IDE: variants seen among roughly 807,000 people sequenced by gnomAD.
The protein encoded by IDE is insulin degrading enzyme.
In IDE, 58 loss-of-function variants were observed where a neutral mutation model predicts 133.2. That is an observed-to-expected ratio of 0.44 (90% CI 0.35 to 0.54). IDE has a LOEUF of 0.54. Ranked by LOEUF, IDE falls within the 20% of genes least tolerant of loss-of-function variation. The pLI, the probability that IDE is intolerant of heterozygous loss-of-function variation, is 0.00. For synonymous variants in IDE, 396 were observed against 421.3 expected, an observed-to-expected ratio of 0.94 and a Z score of 0.73; for missense variants, 981 against 1,234.0, an observed-to-expected ratio of 0.79 and a Z score of 3.07.
chr10:92,461,219 G>T lies in IDE; in HGVS notation c.2795C>A (p.Thr932Asn), dbSNP rs1289418405. The change falls in exon 22 of 25, where the codon ACC (threonine) becomes AAC (asparagine). Residue 932 changes from threonine to asparagine, a missense_variant. Coordinates refer to ENST00000265986, the MANE Select transcript of IDE (RefSeq NM_004969.4). ...GTAGAATTTGATGATATCTTCCTTGGTAAGTGTCTTTAAATATGCAACCTC... is the reference window on the plus strand; with the variant it reads ...GTAGAATTTGATGATATCTTCCTTGTTAAGTGTCTTTAAATATGCAACCTC... ...NTEVAYLKTL[T>N]KEDIIKFYKE... is the part of the protein sequence containing the mutation. 4 of 1,456,020 alleles carry T rather than the reference G, an allele frequency of 2.7e-6. No homozygotes were observed. Among genetic ancestry groups the T allele is most frequent in the African/African-American group, 1.4e-5 (1 of 72,076 alleles). The allele number at this position is 1,456,020 out of a possible 1,614,324, so 90.2% of individuals were successfully genotyped here.
In IDE at chr10:92,510,142, T is replaced by C. The variant is rs1270988529; in HGVS notation, c.805A>G (p.Asn269Asp). The change falls in exon 6 of 25, where the codon AAT becomes GAT. Residue 269 changes from asparagine to aspartate, a missense_variant. Around this residue, in one of 2 missense-constraint regions of IDE, gnomAD observed 321 missense variants for 339.3 expected, o/e 0.95. Transcript: ENST00000265986. Reference protein sequence around the residue: ...LGRESLDDLTNLVVKLFSEVE... With the variant: ...LGRESLDDLTDLVVKLFSEVE... The stretch of plus-strand genomic sequence containing the variant: ...TCAGAAAATAACTTTACCACCAGAT[T>C]AGTCAAGTCATCTAAAGATTCTACA... 2 of 1,577,086 alleles carry C rather than the reference T, an allele frequency of 1.3e-6. No individual in the cohort carries two copies. Among genetic ancestry groups the C allele is most frequent in the Non-Finnish European group, 1.7e-6 (2 of 1,150,080 alleles).
At chr10:92,472,803 T>C (rs1052087605) in intron 17 of IDE, among the ~76,000 whole-genome samples, 13 of 151,422 alleles carry the variant, frequency 8.6e-5, no homozygotes, top group African/African-American at 3.2e-4. Context: ...CATGCCCAGC[T>C]AATTTTTGTA....
intron 11 of IDE, among the ~76,000 whole-genome samples, chr10:92,501,553 A>G (rs1848016334): frequency 6.7e-6 from 1 of 149,780 alleles, no homozygotes; most frequent in Non-Finnish European, 1.5e-5. Flanking sequence ...GCCTGTGGTT[A>G]CAGCTACTGG....
intron 4 of IDE, among the ~76,000 whole-genome samples, chr10:92,515,684 C>T (rs1418497168): frequency 6.7e-6 from 1 of 150,296 alleles, no homozygotes; most frequent in Non-Finnish European, 1.5e-5. Context: ...GCCTCTGCCT[C>T]TCTAGTAGCT....
chr10:92,558,935 A>G (rs1843141971), intron 1 of IDE: 1 of 152,030 alleles, frequency 6.6e-6, no homozygotes, highest in Admixed American at 6.6e-5. Context: ...TTAATAAAAA[A>G]AAAAAAAAAC....
intron 11 of IDE, among the ~76,000 whole-genome samples, chr10:92,503,203 C>T (rs528892578): frequency 3.3e-5 from 5 of 152,158 alleles, no homozygotes; most frequent in African/African-American, 9.6e-5. Flanking sequence ...GGGGCTAAGC[C>T]GGACTGCTTG....
chr10:92,475,958 A>G lies in IDE; in HGVS notation c.1921T>C (p.Leu641=). 6.5e-7 allele frequency: 1 copy of G among 1,546,086 alleles called. No individual in the cohort carries two copies. Among genetic ancestry groups the G allele is most frequent in the South Asian group, 1.2e-5 (1 of 83,288 alleles). The part of the protein sequence containing the change: ...VKGYNDKQPI[L]LKKIIEKMAT... The stretch of plus-strand genomic sequence containing the variant: ...ATTTTCTCAATAATCTTCTTTAGTA[A>G]AATTGGCTGCTTGTCATTGTAACCT... Residue 641 remains leucine, a synonymous_variant, in exon 16 of 25, where the codon TTA becomes CTA. Coordinates refer to ENST00000265986, the MANE Select transcript of IDE (RefSeq NM_004969.4).
At chr10:92,477,008 T>C (rs938186100) in intron 15 of IDE, among the ~76,000 whole-genome samples, 7 of 152,126 alleles carry the variant, frequency 4.6e-5, no homozygotes, top group Admixed American at 3.3e-4. Context: ...AGTGCTGGGA[T>C]TACAGGCATG....
At chr10:92,508,918 C>CTATA (rs748438208) in intron 6 of IDE, 28 bp from the exon 7 acceptor site, 3 of 1,537,120 alleles carry the variant, frequency 2.0e-6, no homozygotes, top group Non-Finnish European at 2.7e-6. Flanking sequence ...CAGAGATTAG[C>CTATA]TATATACGAC....
At chr10:92,472,172 GAACT>G (rs1418377884) in intron 17 of IDE, among the ~76,000 whole-genome samples, 1 of 152,088 alleles carries the variant, frequency 6.6e-6, no homozygotes, top group African/African-American at 2.4e-5. Context: ...AATAAAAAAA[GAACT>G]GACTATTCTC....
intron 4 of IDE, among the ~76,000 whole-genome samples, chr10:92,525,826 C>T (rs905567330): frequency 6.9e-6 from 1 of 145,714 alleles, no homozygotes; most frequent in African/African-American, 2.5e-5. Flanking sequence ...AAACACACAA[C>T]AAAAAAGCCC....
intron 6 of IDE, among the ~76,000 whole-genome samples, 196 bp downstream of exon 6, chr10:92,509,854 G>A (rs1334179103): frequency 1.3e-5 from 2 of 149,274 alleles, no homozygotes; most frequent in Admixed American, 6.7e-5. Context: ...CAGGGAAGTT[G>A]AGGCTTCAGT....
intron 11 of IDE, among the ~76,000 whole-genome samples, chr10:92,498,080 A>G (rs559263468): frequency 6.6e-6 from 1 of 152,362 alleles, no homozygotes; most frequent in Admixed American, 6.5e-5. Flanking sequence ...ATCATTTTAC[A>G]TCATACAGAT....
intron 1 of IDE, among the ~76,000 whole-genome samples, chr10:92,559,528 T>C (rs1055415321): frequency 3.3e-5 from 5 of 152,112 alleles, no homozygotes; most frequent in African/African-American, 4.8e-5. Flanking sequence ...AAAGACCACA[T>C]ATTGTTTGAT....
At chr10:92,457,958 T>C (rs1281948374) in intron 22 of IDE, among the ~76,000 whole-genome samples, 1 of 152,164 alleles carries the variant, frequency 6.6e-6, no homozygotes, top group Non-Finnish European at 1.5e-5. Flanking sequence ...GTACCTCATC[T>C]AAGAACTTCA....
At position 92,535,473 on chromosome 10, in the gene IDE, G is replaced by A. The variant is rs184453685; in HGVS notation, c.284-688C>T. Among the ~76,000 whole-genome samples the A allele has an allele frequency of 1.1e-3, 135 of 122,834 alleles. 1 individual carries two copies. The highest frequency in any genetic ancestry group is 4.2e-3 in the African/African-American group (134 of 31,754). 80.6% of individuals were successfully genotyped at this position (122,834 alleles called of 152,430 possible). ...AGCACAGTGTTAACAGCATGCGTTT[G>A]GGGGTTACCACTCTACTGGCTGTGA... is the stretch of plus-strand genomic sequence containing the variant. On this transcript the variant is annotated intron_variant, in intron 2 of 24. Transcript: ENST00000265986.
In IDE at chr10:92,574,006, A is replaced by G. The variant is rs543210281; in HGVS notation, c.14T>C (p.Leu5Pro). ...CAGTGCGGGGTGCAGAAGCCACGCTAGCCGGTACCGCATTAGCCAGCGCAG... is the reference window on the plus strand; with the variant it reads ...CAGTGCGGGGTGCAGAAGCCACGCTGGCCGGTACCGCATTAGCCAGCGCAG... MRYR[L>P]AWLLHPALPS... The change falls in exon 1 of 25, where the codon CTA becomes CCA. Residue 5 changes from leucine (L) to proline (P), a missense_variant. Coordinates refer to ENST00000265986, the MANE Select transcript of IDE (RefSeq NM_004969.4). The G allele has an allele frequency of 4.1e-5, 62 of 1,512,820 alleles. 1 individual carries two copies. In the Middle Eastern group the frequency reaches 5.3e-4, roughly 13 times the overall value. 93.7% of individuals were successfully genotyped at this position (1,512,820 alleles called of 1,614,324 possible). A position where few individuals can be genotyped will look rare whatever the true frequency, so the allele number is the denominator to read the frequency against.
intron 1 of IDE, among the ~76,000 whole-genome samples, chr10:92,555,595 A>T (rs1842969412): frequency 6.6e-6 from 1 of 152,192 alleles, no homozygotes; most frequent in Admixed American, 6.5e-5. Context: ...ATTGTACAAT[A>T]AAAACTTTTC....
intron 11 of IDE, among the ~76,000 whole-genome samples, chr10:92,494,100 G>A (rs1195354922): frequency 2.6e-5 from 4 of 151,862 alleles, no homozygotes; most frequent in African/African-American, 9.7e-5. Flanking sequence ...TCCTTTTTTC[G>A]AGACAGGGTC....
Sources: gnomAD v4.1 joint callset for allele counts (sites outside exome capture counted in the v4.1 genomes callset) on GRCh38, gnomAD v4.1.1 for gene constraint, gnomAD v4.1.1 regional missense constraint, MANE v1.5 for transcripts, NCBI Gene and HGNC (gene_info 2026-07-23, HGNC 2026-07-21) for gene names.